The following NALF1 variants were observed in gnomAD, a reference collection of about 807,000 sequenced individuals.
The protein encoded by NALF1 is family with sequence similarity 155 member A.
In NALF1, 3 loss-of-function variants were observed where a neutral mutation model predicts 48.4. That is an observed-to-expected ratio of 0.06 (90% CI 0.03 to 0.16). The LOEUF (loss-of-function observed/expected upper bound fraction) is 0.16. NALF1 is among the 10% of genes least tolerant of loss of function. The probability of loss-of-function intolerance (pLI) is 1.00; values close to 1 mark genes in which losing one functional copy is unlikely to be tolerated. For synonymous variants in NALF1, 262 were observed against 245.7 expected (o/e 1.07, Z -0.62); for missense variants, 526 against 571.5 (o/e 0.92, Z 0.81).
chr13:107,525,435 G>A (rs1245940428), intron 1 of NALF1, among the ~76,000 whole-genome samples: 6 of 152,056 alleles, frequency 3.9e-5, no homozygotes, highest in African/African-American at 1.2e-4. Context: ...TGTTGTTGCT[G>A]CATGTATCAA....
At chr13:107,864,234 A>T (rs1880650946) in intron 1 of NALF1, among the ~76,000 whole-genome samples, 1 of 152,208 alleles carries the variant, frequency 6.6e-6, no homozygotes, top group South Asian at 2.1e-4. Flanking sequence ...GTGAAGTATC[A>T]CTCTAAATTA....
chr13:107,391,713 A>G (rs1883630424), intron 1 of NALF1, among the ~76,000 whole-genome samples: 2 of 152,128 alleles, frequency 1.3e-5, no homozygotes, highest in African/African-American at 4.8e-5. Flanking sequence ...TCAACCGTCA[A>G]CCAGAAAATG....
chr13:107,571,227 A>G (rs913680274), intron 1 of NALF1, among the ~76,000 whole-genome samples: 2 of 152,154 alleles, frequency 1.3e-5, no homozygotes, highest in African/African-American at 4.8e-5. Context: ...CTTTTTGACC[A>G]TACCTGAATT....
At chr13:107,365,191 A>G (rs1473943592) in intron 1 of NALF1, among the ~76,000 whole-genome samples, 1 of 151,724 alleles carries the variant, frequency 6.6e-6, no homozygotes. Context: ...GATGATGAAC[A>G]TAATTTTATT....
intron 1 of NALF1, among the ~76,000 whole-genome samples, chr13:107,377,003 T>A (rs1482179822): frequency 1.3e-5 from 2 of 152,192 alleles, no homozygotes; most frequent in Non-Finnish European, 2.9e-5. Flanking sequence ...TGCCAACCGA[T>A]TTCTCTGTCC....
chr13:107,418,080 A>C (rs1884121746), intron 1 of NALF1, among the ~76,000 whole-genome samples: 1 of 152,108 alleles, frequency 6.6e-6, no homozygotes, highest in Non-Finnish European at 1.5e-5. Context: ...TAAATCAATT[A>C]ATTAAATACA....
intron 1 of NALF1, among the ~76,000 whole-genome samples, chr13:107,360,375 T>C (rs575507618): frequency 1.3e-5 from 2 of 152,134 alleles, no homozygotes; most frequent in East Asian, 1.9e-4. Flanking sequence ...AAAAACCCAT[T>C]GGAATCATCA....
At chr13:107,785,937 G>A (rs1878058498) in intron 1 of NALF1, among the ~76,000 whole-genome samples, 1 of 152,170 alleles carries the variant, frequency 6.6e-6, no homozygotes, top group African/African-American at 2.4e-5. Context: ...TGGGCAAGAG[G>A]TAGGGGTACC....
At chr13:107,211,185 C>T (rs546974824) in intron 1 of NALF1, among the ~76,000 whole-genome samples, 6 of 152,278 alleles carry the variant, frequency 3.9e-5, no homozygotes, top group African/African-American at 4.8e-5. Flanking sequence ...CTCCATAGGA[C>T]GCTAGATGGC....
intron 1 of NALF1, among the ~76,000 whole-genome samples, chr13:107,220,740 G>A (rs1263667483): frequency 5.3e-5 from 8 of 152,252 alleles, no homozygotes; most frequent in South Asian, 2.1e-4. Context: ...GTGCACCTCC[G>A]TGTGGAGGGA....
At chr13:107,367,564 C>T (rs146444170) in intron 1 of NALF1, among the ~76,000 whole-genome samples, 3 of 152,286 alleles carry the variant, frequency 2.0e-5, no homozygotes, top group Non-Finnish European at 2.9e-5. Context: ...TGTTGCTCCA[C>T]GTGGAAGCAG....
intron 1 of NALF1, among the ~76,000 whole-genome samples, chr13:107,368,827 G>A (rs1276933983): frequency 6.6e-6 from 1 of 152,130 alleles, no homozygotes; most frequent in Non-Finnish European, 1.5e-5. Context: ...CATATCTTTT[G>A]GGGGCCACTA....
intron 1 of NALF1, among the ~76,000 whole-genome samples, chr13:107,783,748 C>A (rs1289148060): frequency 1.3e-5 from 2 of 151,670 alleles, no homozygotes; most frequent in African/African-American, 4.8e-5. Flanking sequence ...GGGTCCTCTG[C>A]CTAGGAAAAC....
chr13:107,809,972 TTTC>T (rs1878937346), intron 1 of NALF1, among the ~76,000 whole-genome samples: 1 of 152,050 alleles, frequency 6.6e-6, no homozygotes, highest in Admixed American at 6.6e-5. Flanking sequence ...CTCTCTCTCC[TTTC>T]TTCTTCTCTC....
chr13:107,702,811 C>G (rs1039700790), intron 1 of NALF1, among the ~76,000 whole-genome samples: 1 of 152,070 alleles, frequency 6.6e-6, no homozygotes, highest in Non-Finnish European at 1.5e-5. Context: ...ATTTTCTGTG[C>G]CTGTGTTAGT....
rs1461261446 is a variant in NALF1, at chr13:107,169,704, A to T, written c.*793T>A. ...TGTTAACTGTCTGATTCCACCTATT[A>T]TGGAGAGCACTTGTTTGTTCAGCTA... On this transcript the variant is annotated 3_prime_UTR_variant, in exon 3 of 3. Transcript: ENST00000375915. 2 of 152,568 alleles carry T rather than the reference A, an allele frequency of 1.3e-5. No homozygotes were observed. Among genetic ancestry groups the T allele is most frequent in the Admixed American group, 6.5e-5 (1 of 15,276 alleles). The allele number at this position is 152,568 out of a possible 1,614,324, so 9.5% of individuals were successfully genotyped here.
intron 1 of NALF1, among the ~76,000 whole-genome samples, chr13:107,247,518 G>C (rs1880608812): frequency 6.6e-6 from 1 of 152,132 alleles, no homozygotes; most frequent in African/African-American, 2.4e-5. Context: ...AAAATCCTTA[G>C]CAAAAAGATG....
chr13:107,275,131 T>C (rs1355370952), intron 1 of NALF1, among the ~76,000 whole-genome samples: 1 of 152,232 alleles, frequency 6.6e-6, no homozygotes, highest in African/African-American at 2.4e-5. Flanking sequence ...AAAACTACTA[T>C]TTTTGCCTTC....
intron 1 of NALF1, among the ~76,000 whole-genome samples, chr13:107,281,673 T>C (rs181509729): frequency 1.3e-5 from 2 of 152,268 alleles, no homozygotes; most frequent in African/African-American, 4.8e-5. Flanking sequence ...CACACTGCTA[T>C]AAAGAACTGC....
Sources: gnomAD v4.1 joint callset for allele counts (sites outside exome capture counted in the v4.1 genomes callset) on GRCh38, gnomAD v4.1.1 for gene constraint, MANE v1.5 for transcripts, NCBI Gene and HGNC (gene_info 2026-07-23, HGNC 2026-07-21) for gene names.